Variants in RSRC1 observed in about 807,000 individuals in gnomAD.
RSRC1 encodes the protein serine/Arginine-related protein 53.
A neutral mutation model predicts 49.1 loss-of-function variants in RSRC1; 39 were observed. That is an observed-to-expected ratio of 0.79 (90% CI 0.61 to 1.04). The LOEUF is 1.04. RSRC1 is among the 50% of genes least tolerant of loss of function. The probability of loss-of-function intolerance (pLI) is 0.00; values close to 1 mark genes in which losing one functional copy is unlikely to be tolerated. For synonymous variants in RSRC1, 143 were observed against 130.8 expected, an observed-to-expected ratio of 1.09 and a Z score of -0.63; for missense variants, 388 against 402.4, an observed-to-expected ratio of 0.96 and a Z score of 0.31.
chr3:158,407,626 A>G (rs1416273258), intron 6 of RSRC1, among the ~76,000 whole-genome samples: 3 of 152,138 alleles, frequency 2.0e-5, no homozygotes, highest in Non-Finnish European at 4.4e-5. Context: ...ATCTGTTTTA[A>G]TGAAGTAAAA....
In RSRC1 at chr3:158,110,224, G is replaced by GTGATGCCCCCAGT. The variant is rs1714272251; in HGVS notation, c.-3+9_-3+10insCCAGTTGATGCCC. The stretch of plus-strand genomic sequence containing the variant: ...TGTGAGCCCAAAGGTCTGGACCCAG[G>GTGATGCCCCCAGT]TGATGCCCACGACCAGGGCCTGGGG... On this transcript the variant is annotated splice_donor_variant, in intron 1 of 9. Coordinates refer to ENST00000611884, the MANE Select transcript of RSRC1 (RefSeq NM_001271838.2). LOFTEE classifies it low-confidence loss of function (5UTR_SPLICE). 1 of 152,346 alleles carries GTGATGCCCCCAGT rather than the reference G, an allele frequency of 6.6e-6. No individual in the cohort carries two copies. The highest frequency in any genetic ancestry group is 2.1e-4 in the South Asian group (1 of 4,840). The allele number at this position is 152,346 out of a possible 1,614,324, so 9.4% of individuals were successfully genotyped here. A position where few individuals can be genotyped will look rare whatever the true frequency, so the allele number is the denominator to read the frequency against.
chr3:158,514,514 G>T (rs1203786626), intron 7 of RSRC1, among the ~76,000 whole-genome samples: 2 of 152,102 alleles, frequency 1.3e-5, no homozygotes. Context: ...TTTTACATTT[G>T]CTGAGGAGAG....
At chr3:158,372,237 G>A (rs73017445) in intron 6 of RSRC1, among the ~76,000 whole-genome samples, 14,089 of 151,654 alleles carry the variant, frequency 0.093, 2,227 homozygotes, top group African/African-American at 0.33. Flanking sequence ...AGAAATCTTT[G>A]CCCAACCAGA....
chr3:158,409,032 GAATAATAATAAT>G (rs751686079), intron 6 of RSRC1, among the ~76,000 whole-genome samples: 1 of 151,226 alleles, frequency 6.6e-6, no homozygotes, highest in Non-Finnish European at 1.5e-5. Context: ...GATTCCGTCT[GAATAATAATAAT>G]AATAATAATT....
At chr3:158,203,971 T>G (rs934492688) in intron 4 of RSRC1, among the ~76,000 whole-genome samples, 3 of 152,154 alleles carry the variant, frequency 2.0e-5, no homozygotes, top group African/African-American at 7.2e-5. Context: ...TATTCAAAAT[T>G]GTAATTGGGG....
intron 8 of RSRC1, among the ~76,000 whole-genome samples, chr3:158,537,686 G>T (rs1712791454): frequency 1.3e-5 from 2 of 151,500 alleles, no homozygotes. Flanking sequence ...TACTTCCATT[G>T]AATATTTTAT....
chr3:158,444,424 A>G (rs1049834515), intron 6 of RSRC1, among the ~76,000 whole-genome samples: 1 of 152,200 alleles, frequency 6.6e-6, no homozygotes. Context: ...TCCCTATTTA[A>G]TAAATGGTGC....
rs192670756 is a variant in RSRC1 at position 158,353,736 on chromosome 3, T to A, written c.532-1121T>A. ...GTTTCTTTTTACAAATAGCAAAATA[T>A]TCTAATATATCACATAAATTATTAG... On this transcript the variant is annotated intron_variant, in intron 5 of 9. Coordinates refer to ENST00000611884, the MANE Select transcript of RSRC1 (RefSeq NM_001271838.2). Among the ~76,000 whole-genome samples the A allele has an allele frequency of 3.1e-3, 470 of 152,280 alleles. 2 individuals carry two copies. The highest frequency in any genetic ancestry group is 4.8e-3 in the Admixed American group (74 of 15,298).
Position 158,537,309 on chromosome 3 carries a change from G to A in RSRC1, c.759+111G>A. ...TCTTCTAATAGATGAAGTGAAGCAA[G>A]AGAGTGTCAGCCATGTTGCTGAGAG... On this transcript the variant is annotated intron_variant, in intron 8 of 9. Coordinates refer to ENST00000611884, the MANE Select transcript of RSRC1 (RefSeq NM_001271838.2). The A allele has an allele frequency of 8.5e-6, 5 of 591,288 alleles. No homozygotes were observed. The South Asian group carries it at 1.3e-4, about 16-fold the overall frequency. 36.6% of individuals were successfully genotyped at this position (591,288 alleles called of 1,614,324 possible). A position where few individuals can be genotyped will look rare whatever the true frequency, so the allele number is the denominator to read the frequency against.
At chr3:158,124,530 C>T (rs1170435906) in intron 3 of RSRC1, among the ~76,000 whole-genome samples, 2 of 152,096 alleles carry the variant, frequency 1.3e-5, no homozygotes, top group Non-Finnish European at 2.9e-5. Context: ...TGGAATTCTG[C>T]AGTGAAGCTA....
At chr3:158,330,746 G>C (rs975768563) in intron 5 of RSRC1, among the ~76,000 whole-genome samples, 2 of 151,912 alleles carry the variant, frequency 1.3e-5, no homozygotes, top group African/African-American at 4.8e-5. Context: ...TACTTGAAGG[G>C]CTCCATTCAC....
chr3:158,238,680 C>A (rs1216411290), intron 4 of RSRC1, among the ~76,000 whole-genome samples: 1 of 152,164 alleles, frequency 6.6e-6, no homozygotes, highest in Admixed American at 6.5e-5. Flanking sequence ...AAAGCTGAAA[C>A]TGGTTCCCTT....
intron 4 of RSRC1, among the ~76,000 whole-genome samples, chr3:158,293,054 C>G (rs1348158509): frequency 6.6e-6 from 1 of 152,030 alleles, no homozygotes; most frequent in African/African-American, 2.4e-5. Context: ...GTCATTCTTC[C>G]TTATCTTTCT....
intron 6 of RSRC1, among the ~76,000 whole-genome samples, chr3:158,381,175 C>A (rs57550995): frequency 0.05 from 7,603 of 152,158 alleles, 637 homozygotes; most frequent in African/African-American, 0.18. Flanking sequence ...TGAACACTTA[C>A]AAACCATGCA....
At chr3:158,174,405 A>G (rs1719073923) in intron 3 of RSRC1, among the ~76,000 whole-genome samples, 1 of 151,996 alleles carries the variant, frequency 6.6e-6, no homozygotes, top group Non-Finnish European at 1.5e-5. Flanking sequence ...GAAGTGATAA[A>G]TGTTCAGCTC....
At chr3:158,296,337 C>T (rs1259193854) in intron 4 of RSRC1, among the ~76,000 whole-genome samples, 1 of 151,924 alleles carries the variant, frequency 6.6e-6, no homozygotes, top group East Asian at 1.9e-4. Flanking sequence ...CACACACATA[C>T]ACACATACAC....
intron 6 of RSRC1, among the ~76,000 whole-genome samples, chr3:158,387,918 A>G (rs909297576): frequency 1.3e-5 from 2 of 152,192 alleles, no homozygotes; most frequent in African/African-American, 2.4e-5. Context: ...GCACACATGC[A>G]CATATACTGA....
chr3:158,523,749 C>A (rs1222253726), intron 7 of RSRC1, among the ~76,000 whole-genome samples: 1 of 152,078 alleles, frequency 6.6e-6, no homozygotes, highest in African/African-American at 2.4e-5. Context: ...AAAACTCTCA[C>A]AAAATTGCCC....
intron 6 of RSRC1, among the ~76,000 whole-genome samples, chr3:158,372,154 G>T (rs1732114984): frequency 6.6e-6 from 1 of 151,796 alleles, no homozygotes; most frequent in African/African-American, 2.4e-5. Context: ...CTTTTGAAGA[G>T]CAGCTCTTAA....
Sources: allele counts gnomAD v4.1 joint callset (sites outside exome capture counted in the v4.1 genomes callset), GRCh38; gene constraint gnomAD v4.1.1; transcripts MANE v1.5; gene names NCBI Gene and HGNC (gene_info 2026-07-23, HGNC 2026-07-21).